ZNF483: variants seen among roughly 807,000 people sequenced by gnomAD.
The protein encoded by ZNF483 is zinc finger protein HIT-10.
ZNF483 carries 9 observed loss-of-function variants against 28.6 expected under a neutral mutation model. The ratio of observed to expected loss-of-function variants is 0.32; its 90% CI spans 0.19 to 0.55. The LOEUF (loss-of-function observed/expected upper bound fraction) is 0.55, where lower values mean the gene tolerates loss of function less well. Ranked by LOEUF, ZNF483 falls within the 20% of genes least tolerant of loss-of-function variation. The pLI, the probability that ZNF483 is intolerant of heterozygous loss-of-function variation, is 0.93. For missense variants in ZNF483, 675 were observed against 871.7 expected (o/e 0.77, Z 2.84); for synonymous variants, 322 against 306.2 (o/e 1.05, Z -0.54).
chr9:111,562,449 T>C (rs972172678), intron 5 of ZNF483: 1 of 152,028 alleles, frequency 6.6e-6, no homozygotes, highest in Non-Finnish European at 1.5e-5. Flanking sequence ...CTAATTTTTG[T>C]ATTTTCAGTA....
intron 5 of ZNF483, among the ~76,000 whole-genome samples, chr9:111,565,007 C>G (rs1297939290): frequency 6.6e-6 from 1 of 151,956 alleles, no homozygotes; most frequent in African/African-American, 2.4e-5. Context: ...ACCTGTAATC[C>G]CAGCTAGTCA....
At chr9:111,574,764 T>A (rs756333835) in intron 5 of ZNF483, 1 of 1,613,894 alleles carries the variant, frequency 6.2e-7, no homozygotes, top group Middle Eastern at 1.6e-4. Context: ...CTGTTATATG[T>A]AGAGATGGCT....
At chr9:111,565,055 C>T (rs1049922827) in intron 5 of ZNF483, among the ~76,000 whole-genome samples, 39 of 151,976 alleles carry the variant, frequency 2.6e-4, no homozygotes, top group African/African-American at 8.5e-4. Context: ...ACCCGGCAGG[C>T]GGAGGTTGCA....
In ZNF483 at chr9:111,541,855, T is replaced by A. The variant is rs779701636; in HGVS notation, c.920T>A (p.Phe307Tyr). The A allele has an allele frequency of 6.2e-7, 1 of 1,613,910 alleles. No homozygotes were observed. The highest frequency in any genetic ancestry group is 1.1e-5 in the South Asian group (1 of 91,040). The change falls in exon 6 of 6, where the codon TTT (phenylalanine) becomes TAT (tyrosine). Residue 307 changes from phenylalanine to tyrosine, a missense_variant. Phe to Tyr is a conservative substitution (Grantham distance 22). Coordinates refer to ENST00000309235, the MANE Select transcript of ZNF483 (RefSeq NM_133464.5). ...AAATTTGACCCAGATAAAAGCCCCT[T>A]TGGACATAATTTCAAAGAAACTTCA... Reference protein sequence around the residue: ...GKKFDPDKSPFGHNFKETSDL... With the variant: ...GKKFDPDKSPYGHNFKETSDL...
chr9:111,536,745 C>T (rs1373110641), intron 5 of ZNF483, among the ~76,000 whole-genome samples: 7 of 151,790 alleles, frequency 4.6e-5, no homozygotes, highest in South Asian at 2.1e-4. Flanking sequence ...CATGTATAAC[C>T]GTTAACTCTC....
chr9:111,536,554 A>G (rs1438971401), intron 5 of ZNF483, among the ~76,000 whole-genome samples: 4 of 152,166 alleles, frequency 2.6e-5, no homozygotes, highest in Non-Finnish European at 4.4e-5. Flanking sequence ...AAGTTATTAC[A>G]TGTATCAATA....
intron 5 of ZNF483, among the ~76,000 whole-genome samples, chr9:111,536,306 T>G (rs1376000266): frequency 1.3e-5 from 2 of 148,784 alleles, no homozygotes. Flanking sequence ...GATCATGAGG[T>G]CAGGAGATCA....
At position 111,553,342 on chromosome 9, in the gene ZNF483, A is replaced by G. The variant is rs1430764678; in HGVS notation, c.*10172A>G. 1.3e-5 allele frequency among the ~76,000 whole-genome samples: 2 copies of G among 152,166 alleles called. No homozygotes were observed. The highest frequency in any genetic ancestry group is 2.9e-5 in the Non-Finnish European group (2 of 68,026). On this transcript the variant is annotated 3_prime_UTR_variant, in exon 6 of 6. Coordinates refer to ENST00000309235, the MANE Select transcript of ZNF483 (RefSeq NM_133464.5). ...ATCTGCACTGAATTCTGCCTCAGTAATATGCCTTTGTTTAAAATTTAAATA... is the reference window on the plus strand; with the variant it reads ...ATCTGCACTGAATTCTGCCTCAGTAGTATGCCTTTGTTTAAAATTTAAATA...
rs185559382 is a variant in ZNF483 at position 111,534,398 on chromosome 9, G to C, written c.721+45G>C. 388 of 1,522,138 alleles carry C rather than the reference G, an allele frequency of 2.5e-4. 1 individual carries two copies. In the African/African-American group the frequency reaches 4.6e-3, roughly 18 times the overall value. The allele number at this position is 1,522,138 out of a possible 1,614,324, so 94.3% of individuals were successfully genotyped here. A position where few individuals can be genotyped will look rare whatever the true frequency, so the allele number is the denominator to read the frequency against. ...ACAACGAAATTAAAGCAGTTGTTTAGCAAGTCTGTTGAGAAGACTCTTTGA... is the reference window on the plus strand; with the variant it reads ...ACAACGAAATTAAAGCAGTTGTTTACCAAGTCTGTTGAGAAGACTCTTTGA... On this transcript the variant is annotated intron_variant, in intron 5 of 5. Transcript: ENST00000309235.
At chr9:111,534,562 CTT>C (rs1307037908) in intron 5 of ZNF483, among the ~76,000 whole-genome samples, 1 of 151,934 alleles carries the variant, frequency 6.6e-6, no homozygotes, top group East Asian at 1.9e-4. Context: ...CATGTAAGAT[CTT>C]TACTGGAGAA....
chr9:111,549,052 A>G lies in ZNF483; in HGVS notation c.*5882A>G, dbSNP rs1344436111. Among the ~76,000 whole-genome samples the G allele has an allele frequency of 6.6e-6, 1 of 152,144 alleles. No homozygotes were observed. On this transcript the variant is annotated 3_prime_UTR_variant, in exon 6 of 6. Transcript: ENST00000309235. ...GGAGTCAATTGCAGTGCTTGTTGCC[A>G]TAGTTCAGAACCTGCACCACAAAGA...
rs1827972853 is a variant in ZNF483 at position 111,551,913 on chromosome 9, T to C, written c.*8743T>C. ...CAATATATCATTCTTCAGATTTTGC[T>C]TATTTTTTGCAGCCATTTATTACAT... On this transcript the variant is annotated 3_prime_UTR_variant, in exon 6 of 6. Coordinates refer to ENST00000309235, the MANE Select transcript of ZNF483 (RefSeq NM_133464.5). Among the ~76,000 whole-genome samples the C allele has an allele frequency of 6.6e-6, 1 of 152,220 alleles. No homozygotes were observed. The highest frequency in any genetic ancestry group is 6.5e-5 in the Admixed American group (1 of 15,284).
chr9:111,541,387 C>A (rs1827666904), intron 5 of ZNF483, among the ~76,000 whole-genome samples: 1 of 152,100 alleles, frequency 6.6e-6, no homozygotes, highest in Non-Finnish European at 1.5e-5. Flanking sequence ...CCGTGCCCAT[C>A]CTAAACCTCT....
At chr9:111,532,686 G>A (rs978182710) in intron 3 of ZNF483, among the ~76,000 whole-genome samples, 4 of 152,170 alleles carry the variant, frequency 2.6e-5, no homozygotes, top group Admixed American at 6.5e-5. Context: ...GGTAATACAC[G>A]TACCAATAGC....
rs1827786054 is a variant in ZNF483 at position 111,545,521 on chromosome 9, T to G, written c.*2351T>G. 6.6e-6 allele frequency among the ~76,000 whole-genome samples: 1 copy of G among 152,142 alleles called. No homozygotes were observed. Among genetic ancestry groups the G allele is most frequent in the African/African-American group, 2.4e-5 (1 of 41,448 alleles). On this transcript the variant is annotated 3_prime_UTR_variant, in exon 6 of 6. Transcript: ENST00000309235. ...GTTGTGCAACCATTACCATAATCCA[T>G]TTTTTAGAACATCATCCCAGCAAGA...
chr9:111,557,144 TC>T (rs916297508), downstream of ZNF483, among the ~76,000 whole-genome samples: 5 of 152,148 alleles, frequency 3.3e-5, no homozygotes, highest in Non-Finnish European at 7.4e-5. Flanking sequence ...CTTGAATTCC[TC>T]CCCAGAAAAT....
chr9:111,557,369 A>C (rs1828154269), downstream of ZNF483, among the ~76,000 whole-genome samples: 1 of 149,526 alleles, frequency 6.7e-6, no homozygotes, highest in South Asian at 2.1e-4. Context: ...TCGAGACTCC[A>C]TCTCCAGTAA....
exon 6 of ZNF483, chr9:111,576,422 C>G (rs1002594369): frequency 2.5e-6 from 4 of 1,613,912 alleles, no homozygotes; most frequent in Non-Finnish European, 3.4e-6. Context: ...TAAGACCATG[C>G]TCTGCCTTCT....
chr9:111,531,992 T>C (rs1387470303), intron 3 of ZNF483, among the ~76,000 whole-genome samples: 3 of 152,198 alleles, frequency 2.0e-5, no homozygotes, highest in East Asian at 3.9e-4. Context: ...CAGAAATACA[T>C]GTCCTTAAAT....
Sources: allele counts gnomAD v4.1 joint callset (sites outside exome capture counted in the v4.1 genomes callset), GRCh38; gene constraint gnomAD v4.1.1; transcripts MANE v1.5; gene names NCBI Gene and HGNC (gene_info 2026-07-23, HGNC 2026-07-21).